Variants in NRG3 observed in about 807,000 individuals in gnomAD.
NRG3 encodes the protein pro-neuregulin-3, membrane-bound isoform.
NRG3 carries 31 observed loss-of-function variants against 66.9 expected under a neutral mutation model. The ratio of observed to expected loss-of-function variants is 0.46; its 90% CI spans 0.35 to 0.63. The LOEUF is 0.63. Ranked by LOEUF, NRG3 falls within the 20% of genes least tolerant of loss-of-function variation. The pLI is 0.00. For synonymous variants in NRG3, 393 were observed against 359.4 expected, an observed-to-expected ratio of 1.09 and a Z score of -1.06; for missense variants, 910 against 878.9, an observed-to-expected ratio of 1.04 and a Z score of -0.45.
At chr10:82,146,401 C>T (rs1000111072) in intron 1 of NRG3, among the ~76,000 whole-genome samples, 4 of 152,170 alleles carry the variant, frequency 2.6e-5, no homozygotes, top group African/African-American at 4.8e-5. Flanking sequence ...TCTGATTTAT[C>T]GTCTCTAGTA....
intron 5 of NRG3, among the ~76,000 whole-genome samples, chr10:82,957,257 C>T (rs1850137709): frequency 6.6e-6 from 1 of 151,832 alleles, no homozygotes; most frequent in South Asian, 2.1e-4. Context: ...GGAGGCTCAA[C>T]AAGTTTAGGA....
At chr10:82,782,952 A>G (rs1437853692) in intron 3 of NRG3, among the ~76,000 whole-genome samples, 9 of 152,222 alleles carry the variant, frequency 5.9e-5, no homozygotes, top group South Asian at 4.1e-4. Context: ...TGATGCAAAA[A>G]TCCTCAATGA....
intron 3 of NRG3, among the ~76,000 whole-genome samples, chr10:82,739,020 C>T (rs560562544): frequency 6.6e-6 from 1 of 152,286 alleles, no homozygotes. Context: ...AGTATTATAC[C>T]GCTTCTTACG....
chr10:82,289,977 A>C (rs2079630950), intron 1 of NRG3, among the ~76,000 whole-genome samples: 1 of 152,218 alleles, frequency 6.6e-6, no homozygotes. Flanking sequence ...CTATATTTTG[A>C]CATTTTCAAG....
intron 2 of NRG3, among the ~76,000 whole-genome samples, chr10:82,381,035 T>G (rs2085581523): frequency 6.6e-6 from 1 of 152,112 alleles, no homozygotes; most frequent in Non-Finnish European, 1.5e-5. Flanking sequence ...TGTAAGAAGA[T>G]GCAGTATGAT....
chr10:82,856,492 C>T (rs146738532), intron 3 of NRG3, among the ~76,000 whole-genome samples: 1,621 of 151,992 alleles, frequency 0.011, 23 homozygotes, highest in African/African-American at 0.037. Context: ...CGCCTGTAAT[C>T]CCAGCACTTT....
At chr10:81,901,062 C>T (rs1285733702) in intron 1 of NRG3, among the ~76,000 whole-genome samples, 1 of 152,182 alleles carries the variant, frequency 6.6e-6, no homozygotes, top group African/African-American at 2.4e-5. Flanking sequence ...CTCTCCTTTT[C>T]CACATGGTGA....
intron 1 of NRG3, among the ~76,000 whole-genome samples, chr10:81,942,704 A>G (rs533670734): frequency 4.3e-4 from 65 of 152,256 alleles, no homozygotes; most frequent in African/African-American, 1.5e-3. Flanking sequence ...TGCAATTTCC[A>G]ATTTTGTTTA....
intron 2 of NRG3, among the ~76,000 whole-genome samples, chr10:82,362,546 G>GTTTTTTTTTTTTTTT (rs1564840125): frequency 4.4e-5 from 4 of 91,286 alleles, no homozygotes; most frequent in African/African-American, 1.6e-4. Flanking sequence ...GATAATTTCT[G>GTTTTTTTTTTTTTTT]GGTTTTTTTT....
At chr10:82,375,518 CAG>C (rs2085167590) in intron 2 of NRG3, among the ~76,000 whole-genome samples, 1 of 140,662 alleles carries the variant, frequency 7.1e-6, no homozygotes, top group African/African-American at 2.9e-5. Flanking sequence ...GCCTGGGCGA[CAG>C]AGTGAGACTC....
At chr10:82,383,254 G>A (rs1020980316) in intron 2 of NRG3, among the ~76,000 whole-genome samples, 2 of 151,618 alleles carry the variant, frequency 1.3e-5, no homozygotes, top group African/African-American at 4.8e-5. Context: ...GTACATTTAT[G>A]TAATTTTTTT....
chr10:82,827,019 A>G lies in NRG3; in HGVS notation c.1028-38392A>G, dbSNP rs367701887. ...AATGGATCCATTATTGTTTGTCAGT[A>G]TATAATAACGTGTGTAAATTCCCAT... On this transcript the variant is annotated intron_variant, in intron 3 of 8. Transcript: ENST00000372141. Among the ~76,000 whole-genome samples, 5 of 152,100 alleles carry G rather than the reference A, an allele frequency of 3.3e-5. No homozygotes were observed. In the East Asian group the frequency reaches 7.7e-4, roughly 23 times the overall value.
chr10:82,922,275 C>T (rs1006350712), intron 4 of NRG3, among the ~76,000 whole-genome samples: 6 of 152,244 alleles, frequency 3.9e-5, no homozygotes, highest in Non-Finnish European at 7.4e-5. Context: ...CGGGCAGCCC[C>T]GTGGAGGTTT....
intron 2 of NRG3, among the ~76,000 whole-genome samples, chr10:82,363,737 G>A (rs183607695): frequency 2.7e-3 from 415 of 151,976 alleles, no homozygotes; most frequent in African/African-American, 9.1e-3. Flanking sequence ...GATTACAGGC[G>A]TGAGCCACCA....
intron 2 of NRG3, among the ~76,000 whole-genome samples, chr10:82,731,808 T>A (rs1332162909): frequency 6.6e-6 from 1 of 152,212 alleles, no homozygotes; most frequent in East Asian, 1.9e-4. Context: ...GACTGCTTAA[T>A]CATATGGTAC....
At chr10:82,168,242 C>T (rs2133058647) in intron 1 of NRG3, among the ~76,000 whole-genome samples, 1 of 152,160 alleles carries the variant, frequency 6.6e-6, no homozygotes, top group African/African-American at 2.4e-5. Context: ...TGGCTGTCTG[C>T]TTATATTAAA....
In NRG3 at chr10:82,358,750, T is replaced by C. The variant is rs148906289; in HGVS notation, c.835T>C (p.Tyr279His). The C allele has an allele frequency of 1.2e-6, 2 of 1,614,078 alleles. No homozygotes were observed. Among genetic ancestry groups the C allele is most frequent in the Admixed American group, 1.7e-5 (1 of 60,008 alleles). Residue 279 changes from tyrosine (Y) to histidine (H), a missense_variant, in exon 2 of 9, where the codon TAT becomes CAT. Transcript: ENST00000372141. ...GCTTTCCCTGACAGATACGACGACA[T>C]ATTCCACAGAGCGATCCGAGCACTT... ...STSPKFHTTT[Y>H]STERSEHFKP... is the part of the protein sequence containing the mutation.
At chr10:82,954,905 T>G (rs1849889520) in intron 5 of NRG3, among the ~76,000 whole-genome samples, 2 of 151,848 alleles carry the variant, frequency 1.3e-5, no homozygotes, top group African/African-American at 4.9e-5. Context: ...TCCCTTACTT[T>G]CACTCATAAA....
chr10:81,897,496 C>T (rs906453874), intron 1 of NRG3, among the ~76,000 whole-genome samples: 1 of 150,672 alleles, frequency 6.6e-6, no homozygotes, highest in Non-Finnish European at 1.5e-5. Flanking sequence ...GAAGGAAAAA[C>T]AGGAATGAAT....
Sources: gnomAD v4.1 joint callset for allele counts (sites outside exome capture counted in the v4.1 genomes callset) on GRCh38, gnomAD v4.1.1 for gene constraint, MANE v1.5 for transcripts, NCBI Gene and HGNC (gene_info 2026-07-23, HGNC 2026-07-21) for gene names.